The following TOPAZ1 variants were observed in gnomAD, a reference collection of about 807,000 sequenced individuals.
The protein encoded by TOPAZ1 is testis and ovary specific TOPAZ 1.
A neutral mutation model predicts 172.2 loss-of-function variants in TOPAZ1; 66 were observed. The ratio of observed to expected loss-of-function variants is 0.38; its 90% CI spans 0.31 to 0.47. The LOEUF (loss-of-function observed/expected upper bound fraction) is 0.47, where lower values mean the gene tolerates loss of function less well. Ranked by LOEUF, TOPAZ1 falls within the 20% of genes least tolerant of loss-of-function variation. The pLI is 0.99. For synonymous variants in TOPAZ1, 681 were observed against 683.9 expected (o/e 1.00, Z 0.07); for missense variants, 1,822 against 1,972.4 (o/e 0.92, Z 1.44).
chr3:44,293,452 G>T (rs1211032948), intron 12 of TOPAZ1, among the ~76,000 whole-genome samples: 1 of 152,082 alleles, frequency 6.6e-6, no homozygotes, highest in Non-Finnish European at 1.5e-5. Flanking sequence ...GGAAGACAGT[G>T]ATATTGATCA....
At chr3:44,267,353 G>A (rs2125685210) in intron 6 of TOPAZ1, among the ~76,000 whole-genome samples, 1 of 145,884 alleles carries the variant, frequency 6.9e-6, no homozygotes, top group Non-Finnish European at 1.5e-5. Flanking sequence ...GAGTGCAGTG[G>A]CACGATCTCA....
At chr3:44,289,954 A>G (rs899091428) in intron 11 of TOPAZ1, among the ~76,000 whole-genome samples, 1 of 152,184 alleles carries the variant, frequency 6.6e-6, no homozygotes, top group African/African-American at 2.4e-5. Flanking sequence ...GAGAATTTCA[A>G]ACACCACTCA....
chr3:44,313,607 G>A (rs1700420485), intron 16 of TOPAZ1, among the ~76,000 whole-genome samples: 1 of 134,544 alleles, frequency 7.4e-6, no homozygotes, highest in Admixed American at 7.6e-5. Flanking sequence ...AACAAAGCGA[G>A]ACTCTGTCTC....
intron 16 of TOPAZ1, among the ~76,000 whole-genome samples, chr3:44,318,366 C>A (rs1700473561): frequency 6.6e-6 from 1 of 151,982 alleles, no homozygotes; most frequent in Non-Finnish European, 1.5e-5. Flanking sequence ...GCAGGAGAAT[C>A]ACTTGAACCC....
At chr3:44,270,135 G>A (rs539070332) in intron 7 of TOPAZ1, among the ~76,000 whole-genome samples, 1 of 152,206 alleles carries the variant, frequency 6.6e-6, no homozygotes. Context: ...AGTTTATGGG[G>A]AAAGTTTGTT....
intron 11 of TOPAZ1, among the ~76,000 whole-genome samples, chr3:44,289,025 T>G (rs1425000342): frequency 6.6e-6 from 1 of 152,198 alleles, no homozygotes; most frequent in Non-Finnish European, 1.5e-5. Context: ...AACAAAAATA[T>G]CACTGAGAAA....
intron 5 of TOPAZ1, among the ~76,000 whole-genome samples, chr3:44,264,284 A>G (rs1307760226): frequency 6.6e-6 from 1 of 152,206 alleles, no homozygotes; most frequent in Non-Finnish European, 1.5e-5. Flanking sequence ...CCTTGGAGGT[A>G]TTGCAGGTTT....
chr3:44,258,932 T>C (rs942438258), intron 4 of TOPAZ1, among the ~76,000 whole-genome samples: 1 of 152,176 alleles, frequency 6.6e-6, no homozygotes, highest in Admixed American at 6.5e-5. Flanking sequence ...TCAGTTGAAA[T>C]GTTTGTTCAG....
intron 2 of TOPAZ1, among the ~76,000 whole-genome samples, chr3:44,252,732 A>G (rs929654870): frequency 6.6e-6 from 1 of 152,158 alleles, no homozygotes; most frequent in Non-Finnish European, 1.5e-5. Flanking sequence ...TTCTCTTGGC[A>G]CATATCTCAG....
chr3:44,321,471 A>G (rs1245466484), intron 17 of TOPAZ1, among the ~76,000 whole-genome samples: 2 of 152,198 alleles, frequency 1.3e-5, no homozygotes, highest in African/African-American at 4.8e-5. Flanking sequence ...TCAGCAAACA[A>G]TATGTTTAAA....
chr3:44,263,827 C>T lies in TOPAZ1; in HGVS notation c.3020+1344C>T, dbSNP rs545501475. ...CAGCTCTGAAGTACTTCTCTCTCTC[C>T]CCTTACTTGAATTATTTTTCTAGAT... is the stretch of plus-strand genomic sequence containing the variant. On this transcript the variant is annotated intron_variant, in intron 5 of 19. Transcript: ENST00000309765. 2.2e-4 allele frequency among the ~76,000 whole-genome samples: 34 copies of T among 152,182 alleles called. 1 individual carries two copies. The South Asian group carries it at 6.7e-3, about 30-fold the overall frequency.
intron 5 of TOPAZ1, among the ~76,000 whole-genome samples, chr3:44,262,723 A>G (rs1006357871): frequency 3.3e-5 from 5 of 152,216 alleles, no homozygotes; most frequent in Non-Finnish European, 7.3e-5. Flanking sequence ...GATAAGGAGT[A>G]GTGATAAAAA....
At chr3:44,322,266 TA>T (rs1700546093) in intron 17 of TOPAZ1, among the ~76,000 whole-genome samples, 1 of 152,216 alleles carries the variant, frequency 6.6e-6, no homozygotes, top group African/African-American at 2.4e-5. Context: ...CTTCTAAGAA[TA>T]ACTGAAGGAA....
chr3:44,309,314 T>C (rs1700370574), intron 15 of TOPAZ1, among the ~76,000 whole-genome samples: 1 of 152,164 alleles, frequency 6.6e-6, no homozygotes, highest in South Asian at 2.1e-4. Flanking sequence ...GGGCAGGGGT[T>C]TCACCACACT....
intron 14 of TOPAZ1, among the ~76,000 whole-genome samples, chr3:44,305,954 A>C (rs541096075): frequency 5.3e-5 from 8 of 152,312 alleles, no homozygotes; most frequent in Non-Finnish European, 4.4e-5. Context: ...TGAATTATTT[A>C]AGTTGTTACT....
intron 12 of TOPAZ1, among the ~76,000 whole-genome samples, chr3:44,291,690 T>A (rs1700140046): frequency 6.9e-6 from 1 of 143,928 alleles, no homozygotes; most frequent in Admixed American, 6.9e-5. Context: ...AGGAAGGCCA[T>A]GACTTAAAAA....
At chr3:44,251,337 G>A (rs1699628341) in intron 2 of TOPAZ1, among the ~76,000 whole-genome samples, 1 of 152,092 alleles carries the variant, frequency 6.6e-6, no homozygotes, top group South Asian at 2.1e-4. Context: ...GCCCAACCTG[G>A]TCTTGAATTC....
At chr3:44,298,394 G>C (rs1328369739) in intron 12 of TOPAZ1, among the ~76,000 whole-genome samples, 1 of 152,140 alleles carries the variant, frequency 6.6e-6, no homozygotes, top group Non-Finnish European at 1.5e-5. Flanking sequence ...AGAGGTAGAG[G>C]CTGCAATGAG....
intron 16 of TOPAZ1, among the ~76,000 whole-genome samples, chr3:44,314,941 C>G (rs573069821): frequency 6.6e-6 from 1 of 152,196 alleles, no homozygotes; most frequent in Non-Finnish European, 1.5e-5. Context: ...CATACCTTAC[C>G]TGTGTTCCTA....
Sources: allele counts gnomAD v4.1 joint callset (sites outside exome capture counted in the v4.1 genomes callset), GRCh38; gene constraint gnomAD v4.1.1; transcripts MANE v1.5; gene names NCBI Gene and HGNC (gene_info 2026-07-23, HGNC 2026-07-21).